TRERF1: variants seen among roughly 807,000 people sequenced by gnomAD.
TRERF1 encodes transcriptional-regulating factor 1.
Under a neutral mutation model 122.9 loss-of-function variants are expected in TRERF1, and 27 were observed. The observed-to-expected ratio is 0.22, with a 90% CI of 0.16 to 0.30. The LOEUF is 0.30. Among genes scored for constraint, TRERF1 ranks in the 10% least tolerant of loss-of-function variants. The pLI is 1.00. For missense variants in TRERF1, 1,248 were observed against 1,560.3 expected (o/e 0.80, Z 3.37); for synonymous variants, 636 against 641.7 (o/e 0.99, Z 0.13).
In TRERF1 at chr6:42,269,398, G is replaced by T; in HGVS notation, c.193C>A (p.Leu65Met). 4 of 1,614,192 alleles carry T rather than the reference G, an allele frequency of 2.5e-6. No individual in the cohort carries two copies. The highest frequency in any genetic ancestry group is 3.4e-6 in the Non-Finnish European group (4 of 1,180,024). ...TTTTTGGAGCCAACAGGCAAGCCCA[G>T]ACCATCCCGTGTATCTTGAGGGAAG... The change falls in exon 5 of 18, where the codon CTG (leucine) becomes ATG (methionine). Residue 65 changes from leucine (L) to methionine (M), a missense_variant. By Grantham distance (15) the Leu-to-Met change is conservative. Transcript: ENST00000372922. This position sits in a 1 kb window ranked among gnomAD's most constrained non-coding sequence, Gnocchi z 4.9.
chr6:42,433,612 AAAC>A (rs1469920779), intron 2 of TRERF1, among the ~76,000 whole-genome samples: 3 of 152,186 alleles, frequency 2.0e-5, no homozygotes, highest in Non-Finnish European at 4.4e-5. Flanking sequence ...CCCAGCACTC[AAAC>A]AACAATCACC....
chr6:42,230,376 A>C (rs758572743), intron 17 of TRERF1, among the ~76,000 whole-genome samples: 3 of 152,108 alleles, frequency 2.0e-5, no homozygotes, highest in Non-Finnish European at 4.4e-5. Context: ...AAAAACATTT[A>C]ATAGATGCTA....
chr6:42,301,266 G>A (rs1413144510), intron 3 of TRERF1, among the ~76,000 whole-genome samples: 1 of 152,164 alleles, frequency 6.6e-6, no homozygotes, highest in Non-Finnish European at 1.5e-5. Flanking sequence ...GTCTCACTCT[G>A]TTGCCCAGGC....
At chr6:42,362,490 C>T (rs189698550) in intron 3 of TRERF1, among the ~76,000 whole-genome samples, 8 of 152,276 alleles carry the variant, frequency 5.3e-5, no homozygotes, top group Admixed American at 2.0e-4. Flanking sequence ...GTGGGAGGCC[C>T]GGCAGAGGAA....
chr6:42,385,934 G>A lies in TRERF1; in HGVS notation c.-453-22855C>T, dbSNP rs553788831. The stretch of plus-strand genomic sequence containing the variant: ...GGTATGTGTTTTACAGTTGACTGGC[G>A]GTAAGCCTATAGTTTATTAAATAGT... On this transcript the variant is annotated intron_variant, in intron 2 of 17. Coordinates refer to ENST00000372922, the Ensembl canonical transcript of TRERF1. Among the ~76,000 whole-genome samples the A allele has an allele frequency of 8.5e-5, 13 of 152,286 alleles. No homozygotes were observed. The South Asian group carries it at 2.5e-3, about 29-fold the overall frequency.
intron 2 of TRERF1, among the ~76,000 whole-genome samples, chr6:42,448,675 T>TA (rs965618035): frequency 5.3e-5 from 8 of 152,178 alleles, no homozygotes; most frequent in African/African-American, 1.9e-4. Context: ...ACTTTTAAGA[T>TA]AAAAAATCCA....
At chr6:42,355,600 A>G (rs1159855667) in intron 3 of TRERF1, among the ~76,000 whole-genome samples, 1 of 152,240 alleles carries the variant, frequency 6.6e-6, no homozygotes, top group Non-Finnish European at 1.5e-5. Context: ...AACAGTTTAT[A>G]TAACATAGGA....
Position 42,232,876 on chromosome 6 carries a change from T to A in TRERF1, c.3083A>T (p.Gln1028Leu), listed in dbSNP as rs755511387. 6.2e-7 allele frequency: 1 copy of A among 1,603,848 alleles called. No homozygotes were observed. Among genetic ancestry groups the A allele is most frequent in the Non-Finnish European group, 8.5e-7 (1 of 1,174,484 alleles). The change falls in exon 17 of 18, where the codon CAG (glutamine) becomes CTG (leucine). Residue 1028 changes from glutamine (Q) to leucine (L), a missense_variant. Coordinates refer to ENST00000372922, the Ensembl canonical transcript of TRERF1. The surrounding 1 kb of genome is among the most constrained non-coding windows in gnomAD (Gnocchi z 4.5). ...GATGCGGGCATGGCCATTCAGTGCC[T>A]GTCGGGAGCTGAACACCTGGGGAAG...
chr6:42,371,780 C>G (rs557689361), intron 2 of TRERF1, among the ~76,000 whole-genome samples: 2 of 152,186 alleles, frequency 1.3e-5, no homozygotes, highest in East Asian at 1.9e-4. Flanking sequence ...AATGTCCCCC[C>G]ACATTGTGCT....
intron 2 of TRERF1, among the ~76,000 whole-genome samples, chr6:42,440,446 G>C (rs1041873088): frequency 6.6e-6 from 1 of 152,086 alleles, no homozygotes; most frequent in African/African-American, 2.4e-5. Context: ...CATCACATCT[G>C]CTTCCTACAA....
At chr6:42,354,427 G>T (rs564546158) in intron 3 of TRERF1, among the ~76,000 whole-genome samples, 1 of 149,238 alleles carries the variant, frequency 6.7e-6, no homozygotes, top group South Asian at 2.1e-4. Context: ...CCTGTAGTTT[G>T]ATTGACTATT....
At chr6:42,282,680 A>G (rs928295955) in intron 4 of TRERF1, among the ~76,000 whole-genome samples, 3 of 152,252 alleles carry the variant, frequency 2.0e-5, no homozygotes, top group African/African-American at 7.2e-5. Context: ...CAGTATGTTC[A>G]GTATGCTCTC....
chr6:42,300,204 C>A (rs893741595), intron 4 of TRERF1, among the ~76,000 whole-genome samples: 4 of 152,160 alleles, frequency 2.6e-5, no homozygotes, highest in East Asian at 3.8e-4. Context: ...TGGAAACTGG[C>A]CTGACTGATC....
intron 3 of TRERF1, among the ~76,000 whole-genome samples, chr6:42,337,947 C>T (rs1172313432): frequency 6.6e-6 from 1 of 152,190 alleles, no homozygotes; most frequent in Non-Finnish European, 1.5e-5. Context: ...GCAACAGCAG[C>T]AGCAGCACCT....
intron 2 of TRERF1, among the ~76,000 whole-genome samples, chr6:42,447,405 C>T (rs1360980545): frequency 6.6e-6 from 1 of 152,344 alleles, no homozygotes; most frequent in Middle Eastern, 3.4e-3. Flanking sequence ...CTTGTGGCAA[C>T]GCACGCCAGT....
chr6:42,255,428 G>A (rs1776563789), intron 12 of TRERF1, among the ~76,000 whole-genome samples: 1 of 152,242 alleles, frequency 6.6e-6, no homozygotes, highest in African/African-American at 2.4e-5. Context: ...TTTAAAAGAT[G>A]CCGCAGGCAG....
At chr6:42,331,288 A>T (rs888997978) in intron 3 of TRERF1, among the ~76,000 whole-genome samples, 5 of 152,202 alleles carry the variant, frequency 3.3e-5, no homozygotes, top group Non-Finnish European at 1.5e-5. Flanking sequence ...GATGTGCATA[A>T]GAAGAATGTG....
chr6:42,392,911 C>T (rs1025673482), intron 2 of TRERF1, among the ~76,000 whole-genome samples: 2 of 115,906 alleles, frequency 1.7e-5, no homozygotes, highest in Non-Finnish European at 3.5e-5. Flanking sequence ...ACAAGCAGCA[C>T]ACACACACAT....
At chr6:42,364,064 C>T (rs1772270561) in intron 2 of TRERF1, among the ~76,000 whole-genome samples, 1 of 152,230 alleles carries the variant, frequency 6.6e-6, no homozygotes, top group Non-Finnish European at 1.5e-5. Flanking sequence ...AAGCCAAAGT[C>T]CTTGAAATGG....
Sources: gnomAD v4.1 joint callset for allele counts (sites outside exome capture counted in the v4.1 genomes callset) on GRCh38, gnomAD v4.1.1 for gene constraint, Gnocchi (gnomAD v3.1) non-coding constraint, MANE v1.5 for transcripts, NCBI Gene and HGNC (gene_info 2026-07-23, HGNC 2026-07-21) for gene names.